Variants in ROBO2 observed in about 807,000 individuals in gnomAD.
ROBO2 encodes roundabout guidance receptor 2, also known as roundabout homolog 2.
Under a neutral mutation model 160.8 loss-of-function variants are expected in ROBO2, and 53 were observed. The ratio of observed to expected loss-of-function variants is 0.33; its 90% CI spans 0.26 to 0.41. The LOEUF is 0.41. ROBO2 is among the 10% of genes least tolerant of loss of function. The pLI is 1.00. For synonymous variants in ROBO2, 664 were observed against 611.7 expected (o/e 1.09, Z -1.26); for missense variants, 1,577 against 1,722.4 (o/e 0.92, Z 1.49).
At chr3:77,277,097 G>A (rs1295049280) in intron 2 of ROBO2, among the ~76,000 whole-genome samples, 3 of 152,044 alleles carry the variant, frequency 2.0e-5, no homozygotes, top group Non-Finnish European at 4.4e-5. Flanking sequence ...GAAAAAGAGA[G>A]AGAGAGAGAA....
intron 2 of ROBO2, among the ~76,000 whole-genome samples, chr3:76,758,080 G>A (rs1298139338): frequency 1.3e-5 from 2 of 151,626 alleles, no homozygotes; most frequent in Non-Finnish European, 2.9e-5. Flanking sequence ...TTTCATTAAA[G>A]GCAGTTTAGG....
In ROBO2 at chr3:77,213,003, C is replaced by T. The variant is rs544571805; in HGVS notation, c.388+114663C>T. On this transcript the variant is annotated intron_variant, in intron 2 of 25. Coordinates refer to ENST00000461745, the Ensembl canonical transcript of ROBO2. ...AGTATTTTGTTGAGGATTTTTGCATCAATGTTCATCAGGGATATTGGTCTA... is the reference window on the plus strand; with the variant it reads ...AGTATTTTGTTGAGGATTTTTGCATTAATGTTCATCAGGGATATTGGTCTA... 3.3e-5 allele frequency among the ~76,000 whole-genome samples: 5 copies of T among 152,262 alleles called. No individual in the cohort carries two copies. The East Asian group carries it at 9.7e-4, about 29-fold the overall frequency.
chr3:76,557,963 C>A (rs370033188), intron 2 of ROBO2, among the ~76,000 whole-genome samples: 15 of 151,024 alleles, frequency 9.9e-5, no homozygotes, highest in African/African-American at 3.6e-4. Flanking sequence ...AGTTATCATG[C>A]GGATAATGGG....
intron 2 of ROBO2, among the ~76,000 whole-genome samples, chr3:77,308,557 A>G (rs2063290952): frequency 6.6e-6 from 1 of 152,182 alleles, no homozygotes; most frequent in South Asian, 2.1e-4. Flanking sequence ...ACTAGACATC[A>G]ATACTAAAAT....
chr3:76,889,027 G>A (rs975910402), intron 2 of ROBO2, among the ~76,000 whole-genome samples: 2 of 152,140 alleles, frequency 1.3e-5, no homozygotes, highest in Non-Finnish European at 2.9e-5. Flanking sequence ...TTCTTCACAC[G>A]ATGTACACAC....
chr3:76,605,144 T>C (rs1465408436), intron 2 of ROBO2, among the ~76,000 whole-genome samples: 1 of 152,194 alleles, frequency 6.6e-6, no homozygotes, highest in Non-Finnish European at 1.5e-5. Context: ...TTATAACTTG[T>C]TGAATGGCTA....
At chr3:76,048,883 G>C (rs2067546853) in intron 2 of ROBO2, among the ~76,000 whole-genome samples, 1 of 152,160 alleles carries the variant, frequency 6.6e-6, no homozygotes, top group Non-Finnish European at 1.5e-5. Context: ...ATGTTAACAA[G>C]ATTAATCTCA....
At chr3:76,976,075 T>C (rs1033051911) in intron 2 of ROBO2, among the ~76,000 whole-genome samples, 2 of 152,092 alleles carry the variant, frequency 1.3e-5, no homozygotes, top group Non-Finnish European at 2.9e-5. Flanking sequence ...TTTGTTGGTG[T>C]TTTGGTTAGA....
At chr3:77,244,690 C>A (rs2089490300) in intron 2 of ROBO2, among the ~76,000 whole-genome samples, 1 of 151,690 alleles carries the variant, frequency 6.6e-6, no homozygotes, top group Non-Finnish European at 1.5e-5. Context: ...CCATCCTGGC[C>A]AATATGGTGA....
intron 1 of ROBO2, among the ~76,000 whole-genome samples, chr3:75,916,670 G>T (rs191389162): frequency 6.6e-6 from 1 of 151,860 alleles, no homozygotes; most frequent in Admixed American, 6.6e-5. Flanking sequence ...TTCTTAAAGC[G>T]ACTGTTCCAA....
chr3:76,451,228 C>G (rs1372191320), intron 2 of ROBO2, among the ~76,000 whole-genome samples: 1 of 152,174 alleles, frequency 6.6e-6, no homozygotes, highest in Non-Finnish European at 1.5e-5. Context: ...AATGAGGTCT[C>G]CTTGTCCCCA....
intron 2 of ROBO2, among the ~76,000 whole-genome samples, chr3:76,119,916 C>CCCTCCCTCCCTCCCTTCCTT (rs1377854643): frequency 1.0e-3 from 92 of 88,172 alleles, no homozygotes; most frequent in East Asian, 6.3e-3. Flanking sequence ...TTCCCTCCCT[C>CCCTCCCTCCCTCCCTTCCTT]CCTTCCTTCC....
At chr3:77,313,159 C>G (rs1242867633) in intron 2 of ROBO2, among the ~76,000 whole-genome samples, 1 of 152,150 alleles carries the variant, frequency 6.6e-6, no homozygotes, top group Non-Finnish European at 1.5e-5. Flanking sequence ...GTACCAATTT[C>G]TATTTTATCA....
chr3:76,705,776 G>A (rs1390908376), intron 2 of ROBO2, among the ~76,000 whole-genome samples: 1 of 152,034 alleles, frequency 6.6e-6, no homozygotes, highest in African/African-American at 2.4e-5. Flanking sequence ...TCTGTTTGCA[G>A]CATGATTTCT....
chr3:76,576,703 T>C (rs986712047), intron 2 of ROBO2, among the ~76,000 whole-genome samples: 1 of 135,924 alleles, frequency 7.4e-6, no homozygotes, highest in African/African-American at 2.9e-5. Context: ...TTTTCTTTCT[T>C]TTTTTTTTTT....
chr3:76,676,580 C>T (rs1012869580), intron 2 of ROBO2, among the ~76,000 whole-genome samples: 13 of 151,880 alleles, frequency 8.6e-5, no homozygotes, highest in African/African-American at 1.7e-4. Context: ...TTTGCGTGCA[C>T]GTTTGTTTTT....
intron 18 of ROBO2, among the ~76,000 whole-genome samples, chr3:77,596,124 G>T (rs2094297253): frequency 6.6e-6 from 1 of 152,022 alleles, no homozygotes; most frequent in African/African-American, 2.4e-5. Context: ...GCTATTTATG[G>T]AGCAGTATAA....
chr3:77,243,392 G>A (rs958072362), intron 2 of ROBO2, among the ~76,000 whole-genome samples: 3 of 152,108 alleles, frequency 2.0e-5, no homozygotes, highest in Non-Finnish European at 2.9e-5. Flanking sequence ...TTCTTAGAAC[G>A]TGAGAAGTCT....
At chr3:76,453,815 T>C (rs12632840) in intron 2 of ROBO2, among the ~76,000 whole-genome samples, 41,302 of 152,042 alleles carry the variant, frequency 0.27, 7,017 homozygotes, top group East Asian at 0.43. Flanking sequence ...GATTTAGTAG[T>C]TACTATTTGG....
Sources: allele counts gnomAD v4.1 joint callset (sites outside exome capture counted in the v4.1 genomes callset), GRCh38; gene constraint gnomAD v4.1.1; transcripts MANE v1.5; gene names NCBI Gene and HGNC (gene_info 2026-07-23, HGNC 2026-07-21).